The following BICC1 variants were observed in gnomAD, a reference collection of about 807,000 sequenced individuals.
The protein encoded by BICC1 is protein bicaudal C homolog 1.
A neutral mutation model predicts 111.0 loss-of-function variants in BICC1; 43 were observed. The ratio of observed to expected loss-of-function variants is 0.39; its 90% CI spans 0.30 to 0.50. The LOEUF is 0.50. Ranked by LOEUF, BICC1 falls within the 20% of genes least tolerant of loss-of-function variation. The pLI is 0.88. For missense variants in BICC1, 1,091 were observed against 1,203.2 expected (o/e 0.91, Z 1.38); for synonymous variants, 467 against 434.4 (o/e 1.07, Z -0.93).
In BICC1 at chr10:58,788,895, G is replaced by A. The variant is rs186475608; in HGVS notation, c.601-367G>A. On this transcript the variant is annotated intron_variant, in intron 6 of 20. Coordinates refer to ENST00000373886, the MANE Select transcript of BICC1 (RefSeq NM_001080512.3). ...GAGGCCTGGAGTTCGTGACCAGCCT[G>A]GACAACATAGCAAGACCCTGTCTGT... Among the ~76,000 whole-genome samples, 405 of 152,224 alleles carry A rather than the reference G, an allele frequency of 2.7e-3. 3 individuals carry two copies. Among genetic ancestry groups the A allele is most frequent in the South Asian group, 4.8e-3 (23 of 4,818 alleles).
At chr10:58,607,378 G>T (rs906591896) in intron 1 of BICC1, among the ~76,000 whole-genome samples, 1 of 104,760 alleles carries the variant, frequency 9.5e-6, no homozygotes, top group Non-Finnish European at 2.1e-5. Flanking sequence ...TTTGGGATGG[G>T]TGCATTACTT....
intron 17 of BICC1, among the ~76,000 whole-genome samples, chr10:58,808,245 G>A (rs1437729567): frequency 2.0e-5 from 3 of 152,136 alleles, no homozygotes; most frequent in Non-Finnish European, 4.4e-5. Flanking sequence ...TATGAAAAAT[G>A]TTGAGGCTCT....
chr10:58,592,745 C>T (rs1455048981), intron 1 of BICC1, among the ~76,000 whole-genome samples: 6 of 150,992 alleles, frequency 4.0e-5, no homozygotes, highest in East Asian at 2.0e-4. Flanking sequence ...GGCCTGTTGG[C>T]GTGCACCTGT....
At chr10:58,597,510 A>G (rs1352255359) in intron 1 of BICC1, among the ~76,000 whole-genome samples, 1 of 152,268 alleles carries the variant, frequency 6.6e-6, no homozygotes, top group East Asian at 1.9e-4. Flanking sequence ...CTTGATAAAC[A>G]TCTTAAACAG....
chr10:58,556,827 A>C (rs1843461516), intron 1 of BICC1, among the ~76,000 whole-genome samples: 1 of 152,058 alleles, frequency 6.6e-6, no homozygotes, highest in Non-Finnish European at 1.5e-5. Context: ...TGAGGCTTCC[A>C]TTTAAAAAGA....
chr10:58,651,456 A>G (rs867290308), intron 2 of BICC1, among the ~76,000 whole-genome samples: 1 of 152,184 alleles, frequency 6.6e-6, no homozygotes, highest in South Asian at 2.1e-4. Context: ...GACAATGTGA[A>G]TCCTGTTCAG....
At chr10:58,802,927 T>A in intron 14 of BICC1, 150 bp from the exon 15 acceptor site, 1 of 698,784 alleles carries the variant, frequency 1.4e-6, no homozygotes, top group Non-Finnish European at 2.1e-6. Flanking sequence ...CAGTAGTACC[T>A]GTGTCATAGC....
chr10:58,624,559 G>T (rs1845926992), intron 2 of BICC1, among the ~76,000 whole-genome samples: 2 of 152,030 alleles, frequency 1.3e-5, no homozygotes, highest in South Asian at 4.1e-4. Context: ...TGCAAAAAGA[G>T]AAAAAAGTAA....
intron 1 of BICC1, among the ~76,000 whole-genome samples, chr10:58,555,306 ATTTTTTTTTT>A (rs61692850): frequency 2.9e-5 from 3 of 102,536 alleles, no homozygotes. Flanking sequence ...GCTGTTGGAC[ATTTTTTTTTT>A]TTTTTTTTTT....
intron 1 of BICC1, among the ~76,000 whole-genome samples, chr10:58,573,865 A>G (rs1844034247): frequency 6.6e-6 from 1 of 152,112 alleles, no homozygotes; most frequent in African/African-American, 2.4e-5. Context: ...GAGGCATTGG[A>G]CATTTTTGGT....
intron 1 of BICC1, among the ~76,000 whole-genome samples, chr10:58,571,079 TC>T (rs1389636273): frequency 6.6e-6 from 1 of 152,186 alleles, no homozygotes; most frequent in Non-Finnish European, 1.5e-5. Flanking sequence ...CAGCTCTAGA[TC>T]AAACAATTTG....
rs552641065 is a variant in BICC1 at position 58,671,128 on chromosome 10, C to T, written c.238-30946C>T. Reference sequence around the variant, plus strand: ...GCCTTGTCTCTTTAATGAGATCATTCCCATTTCTACAGAGTCATATTCTAG... The same window carrying T: ...GCCTTGTCTCTTTAATGAGATCATTTCCATTTCTACAGAGTCATATTCTAG... On this transcript the variant is annotated intron_variant, in intron 2 of 20. Coordinates refer to ENST00000373886, the MANE Select transcript of BICC1 (RefSeq NM_001080512.3). 2.6e-5 allele frequency among the ~76,000 whole-genome samples: 4 copies of T among 152,274 alleles called. No homozygotes were observed. The South Asian group carries it at 8.3e-4, about 32-fold the overall frequency.
intron 3 of BICC1, among the ~76,000 whole-genome samples, chr10:58,718,792 G>A (rs1022026710): frequency 3.4e-5 from 5 of 147,136 alleles, no homozygotes; most frequent in Admixed American, 1.3e-4. Context: ...GCGTGCGCAC[G>A]CCCGCGTGCT....
intron 1 of BICC1, among the ~76,000 whole-genome samples, chr10:58,607,929 G>A (rs1291432714): frequency 2.6e-5 from 4 of 152,158 alleles, no homozygotes; most frequent in Non-Finnish European, 5.9e-5. Context: ...TCTTGAACTC[G>A]GAGGAAATAG....
At chr10:58,637,495 G>A (rs1347598556) in intron 2 of BICC1, among the ~76,000 whole-genome samples, 3 of 152,180 alleles carry the variant, frequency 2.0e-5, no homozygotes, top group African/African-American at 7.2e-5. Context: ...AGAACGTTTC[G>A]TGTCTCAGCC....
At chr10:58,819,479 A>C (rs1029678137) in intron 19 of BICC1, among the ~76,000 whole-genome samples, 13 of 152,182 alleles carry the variant, frequency 8.5e-5, no homozygotes, top group Non-Finnish European at 1.8e-4. Context: ...GTGATTTAAC[A>C]AGAATCCCCC....
At chr10:58,671,940 G>A (rs564758563) in intron 2 of BICC1, among the ~76,000 whole-genome samples, 17 of 152,060 alleles carry the variant, frequency 1.1e-4, no homozygotes, top group African/African-American at 3.9e-4. Context: ...GAACAGCCTC[G>A]AGTTTTTCAT....
At chr10:58,751,902 A>G (rs1744393992) in intron 3 of BICC1, among the ~76,000 whole-genome samples, 2 of 152,158 alleles carry the variant, frequency 1.3e-5, no homozygotes, top group Non-Finnish European at 2.9e-5. Flanking sequence ...TACATATAAC[A>G]TACCTATAGG....
At chr10:58,738,286 C>G (rs1841540088) in intron 3 of BICC1, among the ~76,000 whole-genome samples, 1 of 152,064 alleles carries the variant, frequency 6.6e-6, no homozygotes, top group Admixed American at 6.5e-5. Context: ...GGAAGGGATC[C>G]AGTTTCAGCT....
Sources: allele counts gnomAD v4.1 joint callset (sites outside exome capture counted in the v4.1 genomes callset), GRCh38; gene constraint gnomAD v4.1.1; transcripts MANE v1.5; gene names NCBI Gene and HGNC (gene_info 2026-07-23, HGNC 2026-07-21).